Variants in GRIA1 observed in about 807,000 individuals in gnomAD.
GRIA1 encodes the protein glutamate receptor 1.
Under a neutral mutation model 99.2 loss-of-function variants are expected in GRIA1, and 31 were observed. The observed-to-expected ratio is 0.31, with a 90% confidence interval of 0.23 to 0.42. The LOEUF (loss-of-function observed/expected upper bound fraction) is 0.42, where lower values mean the gene tolerates loss of function less well. GRIA1 is among the 10% of genes least tolerant of loss of function. The pLI, the probability that GRIA1 is intolerant of heterozygous loss-of-function variation, is 1.00. For synonymous variants in GRIA1, 438 were observed against 432.4 expected, an observed-to-expected ratio of 1.01 and a Z score of -0.16; for missense variants, 782 against 1,157.5, an observed-to-expected ratio of 0.68 and a Z score of 4.71.
At position 153,698,117 on chromosome 5, in the gene GRIA1, G is replaced by A; in HGVS notation, c.1208G>A (p.Ser403Asn). Residue 403 changes from serine (S) to asparagine (N), a missense_variant, in exon 9 of 16, where the codon AGT becomes AAT. By Grantham distance (46) the Ser-to-Asn change is conservative. This residue lies in a region of GRIA1 where 461 missense variants were observed against 521.7 expected (regional missense o/e 0.88). Coordinates refer to ENST00000285900, the MANE Select transcript of GRIA1 (RefSeq NM_000827.4). ...GCCCAAGCTGGGGGCGATAATTCAA[G>A]TGTTCAGAACAGAACATACATCGTC... ...TDAQAGGDNSSVQNRTYIVTT... is the reference protein window; with the variant it reads ...TDAQAGGDNSNVQNRTYIVTT... 1 of 1,609,574 alleles carries A rather than the reference G, an allele frequency of 6.2e-7. No homozygotes were observed. Among genetic ancestry groups the A allele is most frequent in the Non-Finnish European group, 8.5e-7 (1 of 1,175,886 alleles).
chr5:153,701,619 C>CAAAAAAAAAAAAAAAAAAAAAAAAAAAAA lies in GRIA1; in HGVS notation c.1452+2569_1452+2570insAAAAAAAAAAAAAAAAAAAAAAAAAAAAA, dbSNP rs70978504. 1.2e-3 allele frequency among the ~76,000 whole-genome samples: 46 copies of CAAAAAAAAAAAAAAAAAAAAAAAAAAAAA among 39,392 alleles called. 7 individuals are homozygous for CAAAAAAAAAAAAAAAAAAAAAAAAAAAAA. Among genetic ancestry groups the CAAAAAAAAAAAAAAAAAAAAAAAAAAAAA allele is most frequent in the East Asian group, 1.9e-3 (1 of 540 alleles). 25.8% of individuals were successfully genotyped at this position (39,392 alleles called of 152,430 possible). Reference sequence around the variant, plus strand: ...CTGGGCGACAAAGCGAGACCCGTCTCAAAAAAAAAAAAAAAAAAAAAAATA... The same window carrying CAAAAAAAAAAAAAAAAAAAAAAAAAAAAA: ...CTGGGCGACAAAGCGAGACCCGTCTCAAAAAAAAAAAAAAAAAAAAAAAAAAAAAAAAAAAAAAAAAAAAAAAAAAAATA... On this transcript the variant is annotated intron_variant, in intron 10 of 15. Coordinates refer to ENST00000285900, the MANE Select transcript of GRIA1 (RefSeq NM_000827.4).
chr5:153,748,741 C>T (rs1251332656), intron 11 of GRIA1, among the ~76,000 whole-genome samples: 4 of 152,018 alleles, frequency 2.6e-5, no homozygotes. Context: ...TGGTGTTAGG[C>T]TCAAATAGCA....
intron 5 of GRIA1, among the ~76,000 whole-genome samples, chr5:153,667,715 C>G (rs1755849969): frequency 6.6e-6 from 1 of 152,132 alleles, no homozygotes. Flanking sequence ...CACATATAAT[C>G]AGTTCTTTTC....
At chr5:153,672,020 A>G (rs552068359) in intron 5 of GRIA1, among the ~76,000 whole-genome samples, 8 of 152,310 alleles carry the variant, frequency 5.3e-5, no homozygotes, top group African/African-American at 1.9e-4. Flanking sequence ...GGATTCAAGT[A>G]CAAGGGGCTT....
At chr5:153,665,102 G>T (rs1315986504) in intron 5 of GRIA1, among the ~76,000 whole-genome samples, 1 of 152,200 alleles carries the variant, frequency 6.6e-6, no homozygotes, top group Non-Finnish European at 1.5e-5. Context: ...AAGATGAAGG[G>T]ACTCTCTGGA....
intron 7 of GRIA1, among the ~76,000 whole-genome samples, chr5:153,678,328 G>C (rs938471576): frequency 3.9e-5 from 6 of 152,228 alleles, no homozygotes; most frequent in African/African-American, 1.2e-4. Flanking sequence ...CTCACCAGCT[G>C]TTCCTCAGCC....
intron 11 of GRIA1, among the ~76,000 whole-genome samples, chr5:153,711,368 C>A (rs532016751): frequency 6.6e-6 from 1 of 152,170 alleles, no homozygotes; most frequent in South Asian, 2.1e-4. Context: ...TGATGGTCAT[C>A]GACATGGATT....
At chr5:153,808,805 C>G (rs762098761) in intron 15 of GRIA1, among the ~76,000 whole-genome samples, 2 of 152,346 alleles carry the variant, frequency 1.3e-5, no homozygotes, top group South Asian at 2.1e-4. Context: ...AAGGTAGTAA[C>G]CATCCATGAT....
rs562501245 is a variant in GRIA1 at position 153,641,949 on chromosome 5, G to T, written c.221-4979G>T. ...GCTGGTTTACCACTGTATCTCCATT[G>T]CCTAACATAGTGTCTTCACAAATGC... On this transcript the variant is annotated intron_variant, in intron 2 of 15. Coordinates refer to ENST00000285900, the MANE Select transcript of GRIA1 (RefSeq NM_000827.4). Among the ~76,000 whole-genome samples the T allele has an allele frequency of 1.0e-3, 157 of 152,296 alleles. 1 individual carries two copies. Among genetic ancestry groups the T allele is most frequent in the African/African-American group, 3.7e-3 (152 of 41,560 alleles).
intron 11 of GRIA1, among the ~76,000 whole-genome samples, chr5:153,728,098 T>G (rs1171032195): frequency 6.6e-6 from 1 of 151,084 alleles, no homozygotes; most frequent in Non-Finnish European, 1.5e-5. Flanking sequence ...AACTATCTTA[T>G]CTTTGATAAA....
chr5:153,513,069 G>A (rs1756258778), intron 2 of GRIA1, among the ~76,000 whole-genome samples: 1 of 152,140 alleles, frequency 6.6e-6, no homozygotes, highest in African/African-American at 2.4e-5. Context: ...CCAGTTTCCA[G>A]AACTGTGAAA....
At chr5:153,588,884 T>C (rs539453717) in intron 2 of GRIA1, among the ~76,000 whole-genome samples, 50 of 152,284 alleles carry the variant, frequency 3.3e-4, no homozygotes, top group Non-Finnish European at 5.9e-4. Flanking sequence ...TTCAGCTCCT[T>C]CCTTTCAGGT....
chr5:153,540,554 T>C (rs1490429638), intron 2 of GRIA1, among the ~76,000 whole-genome samples: 4 of 152,206 alleles, frequency 2.6e-5, no homozygotes, highest in Non-Finnish European at 4.4e-5. Context: ...GATCAACTGA[T>C]TAATTCATCC....
At chr5:153,509,302 ATT>A (rs1306534682) in intron 2 of GRIA1, among the ~76,000 whole-genome samples, 1 of 152,184 alleles carries the variant, frequency 6.6e-6, no homozygotes, top group Non-Finnish European at 1.5e-5. Flanking sequence ...TATGCACAGG[ATT>A]TAGTGAGAGA....
At chr5:153,795,589 A>G in intron 14 of GRIA1, 1 of 1,573,200 alleles carries the variant, frequency 6.4e-7, no homozygotes, top group Non-Finnish European at 8.7e-7. Context: ...TCCGGAAGTA[A>G]GGTCAGTCAC....
At chr5:153,499,343 C>A (rs1365395002) in intron 2 of GRIA1, among the ~76,000 whole-genome samples, 2 of 152,022 alleles carry the variant, frequency 1.3e-5, no homozygotes, top group Non-Finnish European at 2.9e-5. Context: ...TGGCCAGGGG[C>A]AGTGGCTCAC....
At chr5:153,523,325 C>T (rs773077457) in intron 2 of GRIA1, among the ~76,000 whole-genome samples, 11 of 152,102 alleles carry the variant, frequency 7.2e-5, no homozygotes, top group Non-Finnish European at 1.3e-4. Context: ...TATAATCTCC[C>T]TTCTCAAATG....
intron 2 of GRIA1, among the ~76,000 whole-genome samples, chr5:153,517,050 G>A (rs1433951938): frequency 1.3e-5 from 2 of 152,076 alleles, no homozygotes; most frequent in African/African-American, 4.8e-5. Context: ...AGGAGAGCAG[G>A]CCCTGCAATC....
chr5:153,642,874 C>T (rs1206581690), intron 2 of GRIA1, among the ~76,000 whole-genome samples: 2 of 152,174 alleles, frequency 1.3e-5, no homozygotes, highest in African/African-American at 4.8e-5. Flanking sequence ...TTTCATCTCT[C>T]TACTGGGTAA....
Sources: gnomAD v4.1 joint callset for allele counts (sites outside exome capture counted in the v4.1 genomes callset) on GRCh38, gnomAD v4.1.1 for gene constraint, gnomAD v4.1.1 regional missense constraint, MANE v1.5 for transcripts, NCBI Gene and HGNC (gene_info 2026-07-23, HGNC 2026-07-21) for gene names.